CDIN1: variants seen among roughly 807,000 people sequenced by gnomAD.
The protein encoded by CDIN1 is CDAN1 interacting nuclease 1.
In CDIN1, 33 loss-of-function variants were observed where a neutral mutation model predicts 45.3. The observed-to-expected ratio is 0.73, with a 90% confidence interval of 0.55 to 0.97. The LOEUF (loss-of-function observed/expected upper bound fraction) is 0.97, where lower values mean the gene tolerates loss of function less well. CDIN1 is among the 50% of genes least tolerant of loss of function. The probability of loss-of-function intolerance (pLI) is 0.00; values close to 1 mark genes in which losing one functional copy is unlikely to be tolerated. For missense variants in CDIN1, 303 were observed against 339.4 expected (o/e 0.89, Z 0.84); for synonymous variants, 118 against 124.4 (o/e 0.95, Z 0.34).
chr15:36,706,884 A>G (rs934290518), intron 8 of CDIN1: 2 of 152,166 alleles, frequency 1.3e-5, no homozygotes, highest in Non-Finnish European at 2.9e-5. Flanking sequence ...TTGTAAAGAC[A>G]TGGATACTGT....
chr15:36,728,155 TG>T (rs978477748), intron 10 of CDIN1, among the ~76,000 whole-genome samples: 13 of 152,210 alleles, frequency 8.5e-5, no homozygotes, highest in African/African-American at 3.1e-4. Flanking sequence ...GAATTGTTTT[TG>T]TTTTTTTGTT....
intron 1 of CDIN1, chr15:36,619,177 C>A: frequency 8.1e-7 from 1 of 1,237,716 alleles, no homozygotes; most frequent in Non-Finnish European, 1.2e-6. Flanking sequence ...AATCAGGGAA[C>A]AGAGATGCCA....
chr15:36,686,090 G>T (rs1011793613), intron 5 of CDIN1, among the ~76,000 whole-genome samples: 4 of 151,908 alleles, frequency 2.6e-5, no homozygotes, highest in Admixed American at 6.6e-5. Context: ...AAATCATGCT[G>T]CTATAAAGAC....
At chr15:36,672,291 G>C (rs1310852351) in intron 5 of CDIN1, among the ~76,000 whole-genome samples, 2 of 151,850 alleles carry the variant, frequency 1.3e-5, no homozygotes, top group Non-Finnish European at 2.9e-5. Context: ...TAAACTCTTA[G>C]AGTAGTTATA....
intron 1 of CDIN1, among the ~76,000 whole-genome samples, chr15:36,608,966 T>C (rs1347254745): frequency 7.0e-6 from 1 of 142,296 alleles, no homozygotes; most frequent in Non-Finnish European, 1.5e-5. Context: ...TGTGTGTATG[T>C]ATGTGTGTAT....
chr15:36,740,222 G>A (rs113854042), intron 10 of CDIN1, among the ~76,000 whole-genome samples: 5,551 of 152,108 alleles, frequency 0.036, 358 homozygotes, highest in African/African-American at 0.13. Flanking sequence ...TCTAATACCT[G>A]TGTCCCCTTT....
intron 1 of CDIN1, chr15:36,618,285 G>T: frequency 3.0e-6 from 2 of 666,262 alleles, no homozygotes; most frequent in South Asian, 1.8e-5. Context: ...ATGGACAATT[G>T]AACAGATCTA....
intron 10 of CDIN1, among the ~76,000 whole-genome samples, chr15:36,745,822 C>T (rs938227511): frequency 6.6e-6 from 1 of 151,910 alleles, no homozygotes; most frequent in Non-Finnish European, 1.5e-5. Flanking sequence ...AAAAATTAGC[C>T]AGGCGTGGGG....
chr15:36,746,669 CCACA>C (rs34320677), intron 10 of CDIN1, among the ~76,000 whole-genome samples: 62 of 141,422 alleles, frequency 4.4e-4, no homozygotes, highest in Admixed American at 1.0e-3. Flanking sequence ...ATATATGGTT[CCACA>C]CACACACACA....
chr15:36,641,867 T>C (rs2040124019), intron 1 of CDIN1: 1 of 152,238 alleles, frequency 6.6e-6, no homozygotes, highest in Non-Finnish European at 1.5e-5. Flanking sequence ...TGTGGTACTG[T>C]TGAATGTTGG....
intron 1 of CDIN1, among the ~76,000 whole-genome samples, chr15:36,614,603 A>G (rs1171859868): frequency 5.3e-5 from 8 of 152,172 alleles, no homozygotes; most frequent in Admixed American, 5.2e-4. Context: ...TTTTCACCTT[A>G]ATGCATATTC....
At chr15:36,735,414 G>A (rs2140922998) in intron 10 of CDIN1, among the ~76,000 whole-genome samples, 1 of 151,810 alleles carries the variant, frequency 6.6e-6, no homozygotes, top group East Asian at 1.9e-4. Context: ...TTTAAGTAAG[G>A]ATTTCCCTAT....
At chr15:36,676,758 A>G (rs1366648291) in intron 5 of CDIN1, among the ~76,000 whole-genome samples, 1 of 152,168 alleles carries the variant, frequency 6.6e-6, no homozygotes, top group East Asian at 1.9e-4. Flanking sequence ...TGAGCCCAGA[A>G]GAGGGCTTCC....
chr15:36,615,359 C>T (rs1019960922), intron 1 of CDIN1, among the ~76,000 whole-genome samples: 1 of 152,042 alleles, frequency 6.6e-6, no homozygotes, highest in African/African-American at 2.4e-5. Flanking sequence ...AAAATGTACT[C>T]TCCTTTGATG....
At chr15:36,772,567 T>C (rs1319205509) in intron 10 of CDIN1, among the ~76,000 whole-genome samples, 4 of 152,216 alleles carry the variant, frequency 2.6e-5, no homozygotes, top group Admixed American at 6.5e-5. Context: ...GGTTTGACTA[T>C]GCTGGCAGGC....
intron 3 of CDIN1, among the ~76,000 whole-genome samples, chr15:36,653,603 G>T (rs543446019): frequency 2.6e-5 from 4 of 152,208 alleles, no homozygotes; most frequent in East Asian, 1.9e-4. Context: ...TAAGGTGATG[G>T]CTTGTATTGC....
chr15:36,618,305 A>C, intron 1 of CDIN1: 1 of 667,822 alleles, frequency 1.5e-6, no homozygotes, highest in Non-Finnish European at 2.7e-6. Context: ...AGTTCAAAAA[A>C]TTTTTCAACT....
chr15:36,623,148 C>T (rs866504687), intron 1 of CDIN1, among the ~76,000 whole-genome samples: 5 of 152,084 alleles, frequency 3.3e-5, no homozygotes, highest in Middle Eastern at 3.4e-3. Flanking sequence ...ATTTTGGGAA[C>T]ATAGTGAAAC....
At chr15:36,727,647 T>G (rs369558323) in intron 10 of CDIN1, among the ~76,000 whole-genome samples, 1 of 152,318 alleles carries the variant, frequency 6.6e-6, no homozygotes, top group East Asian at 1.9e-4. Context: ...GCATAAAAAT[T>G]ATTCTCACAT....
Sources: allele counts gnomAD v4.1 joint callset (sites outside exome capture counted in the v4.1 genomes callset), GRCh38; gene constraint gnomAD v4.1.1; transcripts MANE v1.5; gene names NCBI Gene and HGNC (gene_info 2026-07-23, HGNC 2026-07-21).